RAB38: variants seen among roughly 807,000 people sequenced by gnomAD.
RAB38 encodes RAB38, member RAS oncogene family.
In RAB38, 15 loss-of-function variants were observed where a neutral mutation model predicts 18.4. The ratio of observed to expected loss-of-function variants is 0.82; its 90% CI spans 0.55 to 1.26. RAB38 has a LOEUF of 1.26. Among genes scored for constraint, RAB38 ranks in the 50% most tolerant of loss-of-function variants. The pLI, the probability that RAB38 is intolerant of heterozygous loss-of-function variation, is 0.00. For synonymous variants in RAB38, 101 were observed against 104.4 expected (o/e 0.97, Z 0.20); for missense variants, 294 against 267.4 (o/e 1.10, Z -0.69).
the RAB38 span, among the ~76,000 whole-genome samples, chr11:87,805,604 T>TAC: frequency 6.4e-4 from 93 of 145,522 alleles, 1 homozygote; most frequent in Middle Eastern, 0.011. Flanking sequence ...GAGAAAACAC[T>TAC]ACACACACAC....
chr11:87,845,239 T>A, the RAB38 span, among the ~76,000 whole-genome samples: 1 of 152,078 alleles, frequency 6.6e-6, no homozygotes, highest in African/African-American at 2.4e-5. Flanking sequence ...CAAAAGATAG[T>A]AACACTAGGA....
chr11:87,872,669 T>G, the RAB38 span, among the ~76,000 whole-genome samples: 2 of 151,618 alleles, frequency 1.3e-5, no homozygotes, highest in African/African-American at 4.8e-5. Flanking sequence ...TTCTAGGATA[T>G]CATATGGTTG....
chr11:88,083,291 C>G, the RAB38 span, among the ~76,000 whole-genome samples: 2 of 151,814 alleles, frequency 1.3e-5, no homozygotes, highest in Non-Finnish European at 2.9e-5. Context: ...ATATTACATA[C>G]ATAATAATAT....
chr11:87,850,551 C>T, the RAB38 span, among the ~76,000 whole-genome samples: 10 of 152,068 alleles, frequency 6.6e-5, no homozygotes, highest in African/African-American at 2.2e-4. Context: ...GAACTACTCT[C>T]TTGTGTTGGC....
At chr11:87,889,874 T>C in the RAB38 span, among the ~76,000 whole-genome samples, 3 of 151,888 alleles carry the variant, frequency 2.0e-5, no homozygotes, top group Non-Finnish European at 2.9e-5. Context: ...TAAGGGCAGA[T>C]ACCGTACCTC....
At chr11:88,007,608 T>C in the RAB38 span, among the ~76,000 whole-genome samples, 2 of 152,016 alleles carry the variant, frequency 1.3e-5, no homozygotes, top group African/African-American at 4.8e-5. Flanking sequence ...AAGTGTCAGA[T>C]ACATAACAAC....
the RAB38 span, among the ~76,000 whole-genome samples, chr11:88,102,154 A>G: frequency 2.0e-5 from 3 of 152,024 alleles, no homozygotes; most frequent in East Asian, 1.9e-4. Context: ...TAACATACCA[A>G]TTTTGCAGAT....
downstream of RAB38, among the ~76,000 whole-genome samples, chr11:88,108,628 T>A (rs569371807): frequency 6.6e-6 from 1 of 152,234 alleles, no homozygotes; most frequent in Non-Finnish European, 1.5e-5. Context: ...AATTGGGGCA[T>A]GTAGCCCATT....
the RAB38 span, among the ~76,000 whole-genome samples, chr11:87,905,199 A>G: frequency 6.6e-6 from 1 of 151,754 alleles, no homozygotes; most frequent in Admixed American, 6.6e-5. Context: ...TATATTTTCA[A>G]TATAAAAATT....
the RAB38 span, among the ~76,000 whole-genome samples, chr11:87,949,474 G>A: frequency 6.6e-6 from 1 of 152,146 alleles, no homozygotes; most frequent in East Asian, 1.9e-4. Context: ...TCTTTTAAAT[G>A]TGATGTTAGG....
At chr11:88,156,704 G>GA (rs55721028) in intron 1 of RAB38, among the ~76,000 whole-genome samples, 2 of 150,414 alleles carry the variant, frequency 1.3e-5, no homozygotes, top group Non-Finnish European at 3.0e-5. Flanking sequence ...TTTGTCTCAA[G>GA]AAAAAAAAAG....
At chr11:88,058,405 T>A in the RAB38 span, among the ~76,000 whole-genome samples, 1 of 152,116 alleles carries the variant, frequency 6.6e-6, no homozygotes, top group Admixed American at 6.5e-5. Context: ...TCTGCAACTT[T>A]GAGAATCTAC....
chr11:88,030,966 G>A, the RAB38 span, among the ~76,000 whole-genome samples: 1 of 151,102 alleles, frequency 6.6e-6, no homozygotes, highest in South Asian at 2.1e-4. Flanking sequence ...GAACATTGAT[G>A]CAAAAATCCT....
chr11:87,944,558 G>A, the RAB38 span, among the ~76,000 whole-genome samples: 1 of 152,072 alleles, frequency 6.6e-6, no homozygotes, highest in African/African-American at 2.4e-5. Flanking sequence ...AGCTGCTTCT[G>A]CTCCCATCTC....
the RAB38 span, among the ~76,000 whole-genome samples, chr11:88,026,535 C>T: frequency 7.1e-6 from 1 of 140,732 alleles, no homozygotes; most frequent in East Asian, 2.2e-4. Flanking sequence ...TGCACTCCAG[C>T]CTGGGCTACA....
At chr11:88,039,466 C>T in the RAB38 span, among the ~76,000 whole-genome samples, 3,382 of 152,004 alleles carry the variant, frequency 0.022, 108 homozygotes, top group East Asian at 0.15. Flanking sequence ...CACCTAATAC[C>T]CTGGATAAGC....
chr11:87,935,875 G>T, the RAB38 span, among the ~76,000 whole-genome samples: 1 of 152,028 alleles, frequency 6.6e-6, no homozygotes, highest in South Asian at 2.1e-4. Context: ...TATTCACTCA[G>T]AGTGGTTTTA....
At chr11:87,829,028 G>A in the RAB38 span, among the ~76,000 whole-genome samples, 1 of 152,278 alleles carries the variant, frequency 6.6e-6, no homozygotes, top group East Asian at 1.9e-4. Flanking sequence ...AAAGTACTCT[G>A]ACAAATATCC....
At chr11:88,005,228 T>C in the RAB38 span, among the ~76,000 whole-genome samples, 1 of 151,420 alleles carries the variant, frequency 6.6e-6, no homozygotes, top group South Asian at 2.1e-4. Context: ...CACTACCAGA[T>C]TACGTAGATT....
Sources: gnomAD v4.1 joint callset for allele counts (sites outside exome capture counted in the v4.1 genomes callset) on GRCh38, gnomAD v4.1.1 for gene constraint, MANE v1.5 for transcripts, NCBI Gene and HGNC (gene_info 2026-07-23, HGNC 2026-07-21) for gene names.